TRAF3: variants seen among roughly 807,000 people sequenced by gnomAD.
TRAF3 encodes TNF receptor associated factor 3.
A neutral mutation model predicts 62.3 loss-of-function variants in TRAF3; 13 were observed. The observed-to-expected ratio is 0.21, with a 90% CI of 0.14 to 0.33. The LOEUF is 0.33. Among genes scored for constraint, TRAF3 ranks in the 10% least tolerant of loss-of-function variants. The pLI, the probability that TRAF3 is intolerant of heterozygous loss-of-function variation, is 1.00. For missense variants in TRAF3, 440 were observed against 741.8 expected, an observed-to-expected ratio of 0.59 and a Z score of 4.73; for synonymous variants, 269 against 283.4, an observed-to-expected ratio of 0.95 and a Z score of 0.51.
At chr14:102,882,242 T>C (rs902132365) in intron 6 of TRAF3, among the ~76,000 whole-genome samples, 1 of 152,232 alleles carries the variant, frequency 6.6e-6, no homozygotes, top group East Asian at 1.9e-4. Context: ...AAGCACAGAA[T>C]GATAATGAGT....
At chr14:102,886,354 C>T in intron 7 of TRAF3, 85 bp downstream of exon 7, 1 of 1,203,108 alleles carries the variant, frequency 8.3e-7, no homozygotes, top group Non-Finnish European at 1.2e-6. Flanking sequence ...GCCGAAGCCT[C>T]ACGTTTTCCC....
At chr14:102,819,670 C>G (rs1050808391) in intron 1 of TRAF3, among the ~76,000 whole-genome samples, 1 of 152,224 alleles carries the variant, frequency 6.6e-6, no homozygotes, top group Non-Finnish European at 1.5e-5. Context: ...TTGTGACTCT[C>G]AGGGCCAGAG....
chr14:102,875,951 C>G (rs981881919), intron 5 of TRAF3, among the ~76,000 whole-genome samples: 3 of 151,882 alleles, frequency 2.0e-5, no homozygotes, highest in African/African-American at 7.3e-5. Context: ...CACTCCCCCC[C>G]CTACTTAGAA....
chr14:102,822,963 G>A (rs565822607), intron 1 of TRAF3, among the ~76,000 whole-genome samples: 22 of 150,620 alleles, frequency 1.5e-4, no homozygotes, highest in African/African-American at 4.9e-4. Context: ...CCGAGATCAC[G>A]CCATTGCACT....
intron 1 of TRAF3, among the ~76,000 whole-genome samples, chr14:102,805,176 A>G (rs1387463659): frequency 1.3e-5 from 2 of 152,344 alleles, no homozygotes; most frequent in Non-Finnish European, 2.9e-5. Context: ...TCATTATCAG[A>G]CATTTTACTC....
chr14:102,832,920 G>T (rs2139639153), intron 2 of TRAF3, among the ~76,000 whole-genome samples: 1 of 152,126 alleles, frequency 6.6e-6, no homozygotes, highest in African/African-American at 2.4e-5. Flanking sequence ...ATTTACCTAT[G>T]TTTATAATTT....
intron 1 of TRAF3, among the ~76,000 whole-genome samples, chr14:102,803,399 C>G (rs1271495764): frequency 6.6e-6 from 1 of 151,850 alleles, no homozygotes; most frequent in African/African-American, 2.4e-5. Context: ...TCTGAGTGAC[C>G]CTGGGTCTTG....
chr14:102,892,819 CAGG>C (rs1185127145), intron 9 of TRAF3, among the ~76,000 whole-genome samples: 1 of 152,314 alleles, frequency 6.6e-6, no homozygotes, highest in East Asian at 1.9e-4. Context: ...TGAGAAGCAG[CAGG>C]AGGATCGGCA....
At chr14:102,889,721 T>G in intron 8 of TRAF3, 87 bp downstream of exon 8, 1 of 1,474,486 alleles carries the variant, frequency 6.8e-7, no homozygotes, top group Non-Finnish European at 9.5e-7. Context: ...ATGCAAGCTC[T>G]GGACTCCTTA....
rs1216337037 is a variant in TRAF3 at position 102,908,895 on chromosome 14, A to G, written c.*3111A>G. On this transcript the variant is annotated 3_prime_UTR_variant, in exon 12 of 12. Coordinates refer to ENST00000392745, the MANE Select transcript of TRAF3 (RefSeq NM_145725.3). ...CCTGGGCCCGGCTCACGTGAAGGGC[A>G]CTGGCTCTTGTGACCACACTGAGCC... 5 of 152,266 alleles carry G rather than the reference A, an allele frequency of 3.3e-5. No individual in the cohort carries two copies. The highest frequency in any genetic ancestry group is 1.2e-4 in the African/African-American group (5 of 41,448). The allele number at this position is 152,266 out of a possible 1,614,324, so 9.4% of individuals were successfully genotyped here.
At chr14:102,779,269 C>CTTTTTTTTTTTTTTTTTTTT (rs61309052) in intron 1 of TRAF3, among the ~76,000 whole-genome samples, 2 of 123,456 alleles carry the variant, frequency 1.6e-5, no homozygotes, top group African/African-American at 3.5e-5. Context: ...AGAATTCCAG[C>CTTTTTTTTTTTTTTTTTTTT]TTTTTTTTTT....
intron 10 of TRAF3, among the ~76,000 whole-genome samples, chr14:102,900,368 G>A (rs1327561644): frequency 6.6e-6 from 1 of 152,084 alleles, no homozygotes; most frequent in Admixed American, 6.6e-5. Context: ...GGGCGCAGTG[G>A]CAGGCATCTG....
chr14:102,827,063 A>T (rs1330357400), intron 1 of TRAF3, among the ~76,000 whole-genome samples: 1 of 152,182 alleles, frequency 6.6e-6, no homozygotes, highest in Non-Finnish European at 1.5e-5. Context: ...GACCTCCCGC[A>T]CCTGCTGAGG....
At chr14:102,891,531 G>A in intron 9 of TRAF3, 114 bp downstream of exon 9, 4 of 1,172,062 alleles carry the variant, frequency 3.4e-6, no homozygotes, top group Admixed American at 2.1e-5. Flanking sequence ...ACTATCAAGA[G>A]AATGTCAAAA....
intron 1 of TRAF3, among the ~76,000 whole-genome samples, chr14:102,793,146 G>A (rs1264480806): frequency 1.3e-5 from 2 of 151,932 alleles, no homozygotes; most frequent in African/African-American, 4.8e-5. Flanking sequence ...TTTGACTTCG[G>A]TATCTGGGAA....
chr14:102,881,530 C>A lies in TRAF3; in HGVS notation c.571-4659C>A, dbSNP rs548293351. Among the ~76,000 whole-genome samples the A allele has an allele frequency of 1.1e-4, 16 of 152,138 alleles. No individual in the cohort carries two copies. In the South Asian group the frequency reaches 2.9e-3, roughly 28 times the overall value. On this transcript the variant is annotated intron_variant, in intron 6 of 11. Transcript: ENST00000392745. Reference sequence around the variant, plus strand: ...ACATGTTCTCACTTATAAGAGAGAGCTGAACAATGAGAACACATAGACACA... The same window carrying A: ...ACATGTTCTCACTTATAAGAGAGAGATGAACAATGAGAACACATAGACACA...
At chr14:102,892,749 G>A (rs1889793098) in intron 9 of TRAF3, among the ~76,000 whole-genome samples, 1 of 152,136 alleles carries the variant, frequency 6.6e-6, no homozygotes, top group Admixed American at 6.5e-5. Flanking sequence ...ATTTTAAATA[G>A]AAAGATTTCC....
intron 1 of TRAF3, among the ~76,000 whole-genome samples, chr14:102,797,862 C>T (rs946989966): frequency 6.6e-6 from 1 of 151,966 alleles, no homozygotes. Context: ...CTCAGCTTCC[C>T]GAGTAGCTGG....
intron 1 of TRAF3, among the ~76,000 whole-genome samples, chr14:102,788,990 T>G (rs1897647757): frequency 6.6e-6 from 1 of 151,932 alleles, no homozygotes; most frequent in South Asian, 2.1e-4. Flanking sequence ...AAAAACAACT[T>G]TTCATCCCCC....
Sources: allele counts gnomAD v4.1 joint callset (sites outside exome capture counted in the v4.1 genomes callset), GRCh38; gene constraint gnomAD v4.1.1; transcripts MANE v1.5; gene names NCBI Gene and HGNC (gene_info 2026-07-23, HGNC 2026-07-21).